GOLT1B: variants seen among roughly 807,000 people sequenced by gnomAD.
GOLT1B encodes the protein golgi transport 1B.
In GOLT1B, 3 loss-of-function variants were observed where a neutral mutation model predicts 15.4. That is an observed-to-expected ratio of 0.19 (90% CI 0.09 to 0.50). The LOEUF (loss-of-function observed/expected upper bound fraction) is 0.50. Among genes scored for constraint, GOLT1B ranks in the 20% least tolerant of loss-of-function variants. GOLT1B has a pLI of 0.97. For synonymous variants in GOLT1B, 65 were observed against 56.2 expected (o/e 1.16, Z -0.70); for missense variants, 145 against 160.4 (o/e 0.90, Z 0.52).
rs1273448291 is a variant in GOLT1B at position 21,507,510 on chromosome 12, C to CTGTGTG, written c.117+537_117+538insGTGTGT. 9.7e-5 allele frequency among the ~76,000 whole-genome samples: 6 copies of CTGTGTG among 62,052 alleles called. No homozygotes were observed. The East Asian group carries it at 1.7e-3, about 17-fold the overall frequency. 40.7% of individuals were successfully genotyped at this position (62,052 alleles called of 152,430 possible). ...TAACCCTTCTAAGGTAGTGAAGACACTGTATGTGTGTGTGTGTGTATATAT... is the reference window on the plus strand; with the variant it reads ...TAACCCTTCTAAGGTAGTGAAGACACTGTGTGTGTATGTGTGTGTGTGTGTATATAT... On this transcript the variant is annotated intron_variant, in intron 2 of 4. Coordinates refer to ENST00000229314, the MANE Select transcript of GOLT1B (RefSeq NM_016072.5).
intron 4 of GOLT1B, among the ~76,000 whole-genome samples, chr12:21,514,644 C>T (rs556760944): frequency 6.6e-6 from 1 of 152,286 alleles, no homozygotes; most frequent in East Asian, 1.9e-4. Context: ...GGGGTATACT[C>T]TGATTTCATT....
chr12:21,515,410 A>G, intron 4 of GOLT1B: 1 of 580,036 alleles, frequency 1.7e-6, no homozygotes, highest in Admixed American at 3.4e-5. Context: ...ATTGTGTTGC[A>G]TTTTTCATGT....
In GOLT1B at chr12:21,508,399, G is replaced by A; in HGVS notation, c.134G>A (p.Gly45Asp). 2 of 1,561,816 alleles carry A rather than the reference G, an allele frequency of 1.3e-6. No individual in the cohort carries two copies. Among genetic ancestry groups the A allele is most frequent in the African/African-American group, 1.4e-5 (1 of 71,824 alleles). ...CTCTTTTAGGTTTTATTTGTAGCCG[G>A]CTTGGCTTTTGTAATTGGTTTAGAA... ...LAIGNVLFVA[G>D]LAFVIGLERT... Residue 45 changes from glycine to aspartate, a missense_variant, in exon 3 of 5, where the codon GGC becomes GAC. Coordinates refer to ENST00000229314, the MANE Select transcript of GOLT1B (RefSeq NM_016072.5).
At chr12:21,514,904 T>A (rs1943745165) in intron 4 of GOLT1B, among the ~76,000 whole-genome samples, 1 of 152,068 alleles carries the variant, frequency 6.6e-6, no homozygotes, top group Admixed American at 6.6e-5. Flanking sequence ...TTACTAGAAT[T>A]TGATAGTATA....
In GOLT1B at chr12:21,509,588, G is replaced by A. The variant is rs1018358606; in HGVS notation, c.296+1027G>A. On this transcript the variant is annotated intron_variant, in intron 3 of 4. Transcript: ENST00000229314. Reference sequence around the variant, plus strand: ...AAATCTCTCATTTCTATTATGGAAAGTAGACTCTAAAAATACCAATAGGAT... The same window carrying A: ...AAATCTCTCATTTCTATTATGGAAAATAGACTCTAAAAATACCAATAGGAT... Among the ~76,000 whole-genome samples, 14 of 152,214 alleles carry A rather than the reference G, an allele frequency of 9.2e-5. No homozygotes were observed. In the East Asian group the frequency reaches 2.3e-3, roughly 25 times the overall value.
chr12:21,509,093 A>G (rs1943700613), intron 3 of GOLT1B, among the ~76,000 whole-genome samples: 1 of 152,168 alleles, frequency 6.6e-6, no homozygotes, highest in Non-Finnish European at 1.5e-5. Context: ...TAGTATGTGT[A>G]TATATCTATA....
chr12:21,506,892 A>C lies in GOLT1B; in HGVS notation c.33A>C (p.Gly11=), dbSNP rs1235135840. The C allele has an allele frequency of 4.2e-6, 6 of 1,418,036 alleles. No individual in the cohort carries two copies. Among genetic ancestry groups the C allele is most frequent in the Non-Finnish European group, 6.0e-6 (6 of 1,005,504 alleles). 87.8% of individuals were successfully genotyped at this position (1,418,036 alleles called of 1,614,324 possible). The change falls in exon 2 of 5, where the codon GGA becomes GGC. Residue 11 remains glycine, a synonymous_variant. Transcript: ENST00000229314. The part of the protein sequence containing the change: MISLTDTQKI[G]MGLTGFGVFF... ...ATATACCTTATATTGCAGAAATTGG[A>C]ATGGGATTAACAGGATTTGGAGTGT...
intron 2 of GOLT1B, chr12:21,507,286 T>A (rs73071402): frequency 0.024 from 5,732 of 238,662 alleles, 89 homozygotes; most frequent in Middle Eastern, 0.06. Context: ...CATGTCTTGA[T>A]AAATCACTAA....
intron 1 of GOLT1B, among the ~76,000 whole-genome samples, chr12:21,502,175 G>A (rs1591758849): frequency 2.0e-5 from 3 of 152,186 alleles, no homozygotes; most frequent in African/African-American, 7.2e-5. Flanking sequence ...AGGGTGGGAC[G>A]CCCTATGTTG....
At chr12:21,507,080 C>T (rs1565581423) in intron 2 of GOLT1B, 104 bp downstream of exon 2, 3 of 678,862 alleles carry the variant, frequency 4.4e-6, no homozygotes, top group Non-Finnish European at 8.1e-6. Context: ...CACTATTACT[C>T]ATAAGTAATT....
At position 21,517,932 on chromosome 12, in the gene GOLT1B, A is replaced by T. The variant is rs2136813836; in HGVS notation, c.*2225A>T. ...TGTAACAAAAATGTACTTTATAGAGATGGAGGAAAAGGTCTAATACTACAT... is the reference window on the plus strand; with the variant it reads ...TGTAACAAAAATGTACTTTATAGAGTTGGAGGAAAAGGTCTAATACTACAT... On this transcript the variant is annotated 3_prime_UTR_variant, in exon 5 of 5. Coordinates refer to ENST00000229314, the MANE Select transcript of GOLT1B (RefSeq NM_016072.5). 1.3e-5 allele frequency: 2 copies of T among 152,684 alleles called. No homozygotes were observed. Among genetic ancestry groups the T allele is most frequent in the South Asian group, 4.1e-4 (2 of 4,832 alleles). The allele number at this position is 152,684 out of a possible 1,614,324, so 9.5% of individuals were successfully genotyped here.
In GOLT1B at chr12:21,512,330, G is replaced by C; in HGVS notation, c.332G>C (p.Arg111Thr). The C allele has an allele frequency of 1.3e-6, 2 of 1,581,476 alleles. No individual in the cohort carries two copies. The highest frequency in any genetic ancestry group is 1.7e-6 in the Non-Finnish European group (2 of 1,150,808). The change falls in exon 4 of 5, where the codon AGA becomes ACA. Residue 111 changes from arginine to threonine, a missense_variant. By Grantham distance (71) the Arg-to-Thr change is moderately conservative. Coordinates refer to ENST00000229314, the MANE Select transcript of GOLT1B (RefSeq NM_016072.5). ...CCTGTCGTTGTTGGCTTTATTAGAA[G>C]AGTGCCAGTCCTTGGATCCCTCCTA... ...FFPVVVGFIR[R>T]VPVLGSLLNL... is the part of the protein sequence containing the mutation.
At chr12:21,513,527 A>G (rs1162678838) in intron 4 of GOLT1B, among the ~76,000 whole-genome samples, 1 of 151,670 alleles carries the variant, frequency 6.6e-6, no homozygotes, top group African/African-American at 2.4e-5. Flanking sequence ...TCTTAGAGAG[A>G]GTCTCAAACT....
At chr12:21,502,702 T>G (rs36230524) in intron 1 of GOLT1B, among the ~76,000 whole-genome samples, 3,945 of 152,258 alleles carry the variant, frequency 0.026, 61 homozygotes, top group Middle Eastern at 0.037. Flanking sequence ...ATCGGTTTCC[T>G]TTTCTTTCAT....
chr12:21,515,272 T>C, intron 4 of GOLT1B: 1 of 1,414,086 alleles, frequency 7.1e-7, no homozygotes, highest in Admixed American at 2.0e-5. Flanking sequence ...ACAGTAATGG[T>C]CAGTTGAAAT....
At chr12:21,506,254 A>G (rs778660382) in intron 1 of GOLT1B, among the ~76,000 whole-genome samples, 2 of 152,134 alleles carry the variant, frequency 1.3e-5, no homozygotes, top group Admixed American at 6.5e-5. Flanking sequence ...AAATTTGTAG[A>G]TAAGTCCATA....
chr12:21,503,150 A>G (rs2136800513), intron 1 of GOLT1B, among the ~76,000 whole-genome samples: 1 of 152,348 alleles, frequency 6.6e-6, no homozygotes, highest in African/African-American at 2.4e-5. Context: ...AGAAAATAAA[A>G]GTGTAGTCTT....
intron 1 of GOLT1B, 61 bp from the exon 2 acceptor site, chr12:21,506,824 A>C (rs1219264224): frequency 2.8e-6 from 2 of 716,648 alleles, no homozygotes; most frequent in Admixed American, 2.4e-5. Flanking sequence ...TTCTTAGTTT[A>C]CAGGGATGTT....
intron 3 of GOLT1B, among the ~76,000 whole-genome samples, chr12:21,509,995 C>T (rs1565582189): frequency 6.6e-6 from 1 of 151,942 alleles, no homozygotes; most frequent in Non-Finnish European, 1.5e-5. Flanking sequence ...TGGAGAAGGT[C>T]GGGGGAGTGG....
Sources: allele counts gnomAD v4.1 joint callset (sites outside exome capture counted in the v4.1 genomes callset), GRCh38; gene constraint gnomAD v4.1.1; transcripts MANE v1.5; gene names NCBI Gene and HGNC (gene_info 2026-07-23, HGNC 2026-07-21).